HTR2C: variants seen among roughly 807,000 people sequenced by gnomAD.
HTR2C encodes 5-hydroxytryptamine (serotonin) receptor 2C, G protein-coupled.
A neutral mutation model predicts 21.0 loss-of-function variants in HTR2C; 5 were observed. That is an observed-to-expected ratio of 0.24 (90% CI 0.12 to 0.50). The LOEUF (loss-of-function observed/expected upper bound fraction) is 0.50. HTR2C is among the 20% of genes least tolerant of loss of function. HTR2C has a pLI of 0.98. For synonymous variants in HTR2C, 150 were observed against 145.3 expected (o/e 1.03, Z -0.23); for missense variants, 271 against 371.2 (o/e 0.73, Z 2.22).
intron 5 of HTR2C, among the ~76,000 whole-genome samples, chrX:114,892,268 G>A (rs781822940): frequency 9.0e-6 from 1 of 111,616 alleles, no homozygotes; most frequent in African/African-American, 3.2e-5. Context: ...TCTCTTAAAT[G>A]TTTGACCGAA....
intron 5 of HTR2C, among the ~76,000 whole-genome samples, chrX:114,893,499 G>T (rs1382042933): frequency 9.0e-6 from 1 of 110,945 alleles, no homozygotes. Flanking sequence ...GTACAAATTG[G>T]TATAAAAGAA....
At chrX:114,753,295 T>C (rs1220014048) in intron 4 of HTR2C, among the ~76,000 whole-genome samples, 2 of 111,395 alleles carry the variant, frequency 1.8e-5, no homozygotes, top group Admixed American at 9.6e-5. Flanking sequence ...AGACAATGCA[T>C]TCCCCCTAAG....
chrX:114,605,349 G>A (rs868961726), intron 1 of HTR2C, among the ~76,000 whole-genome samples: 26 of 109,286 alleles, frequency 2.4e-4, no homozygotes, highest in Admixed American at 3.9e-4. Flanking sequence ...TCGGCATGGC[G>A]AGGAGCAGCC....
chrX:114,653,797 C>T (rs896678595), intron 2 of HTR2C, among the ~76,000 whole-genome samples: 8 of 110,860 alleles, frequency 7.2e-5, no homozygotes, highest in Admixed American at 1.9e-4. Context: ...AATAGCCACC[C>T]GCTTTGGAAA....
intron 2 of HTR2C, among the ~76,000 whole-genome samples, chrX:114,689,195 A>G (rs1232349862): frequency 2.0e-5 from 1 of 50,339 alleles, no homozygotes; most frequent in Non-Finnish European, 3.4e-5. Context: ...GTAGTATTCC[A>G]TGGTATGTAT....
At chrX:114,884,971 A>T (rs888114963) in intron 5 of HTR2C, among the ~76,000 whole-genome samples, 1 of 110,201 alleles carries the variant, frequency 9.1e-6, no homozygotes, top group Admixed American at 9.8e-5. Flanking sequence ...TCCAGCCTGG[A>T]GAATGTGCGA....
At chrX:114,623,841 A>C (rs1349004396) in intron 2 of HTR2C, among the ~76,000 whole-genome samples, 1 of 109,889 alleles carries the variant, frequency 9.1e-6, no homozygotes, top group Non-Finnish European at 1.9e-5. Context: ...TATTATTTAT[A>C]ATGCAATTGA....
At chrX:114,649,542 T>C (rs1930475625) in intron 2 of HTR2C, among the ~76,000 whole-genome samples, 1 of 112,192 alleles carries the variant, frequency 8.9e-6, no homozygotes, top group Non-Finnish European at 1.9e-5. Flanking sequence ...GAAATTCTTG[T>C]GGTCACAGAG....
At chrX:114,633,607 G>A (rs1204968587) in intron 2 of HTR2C, among the ~76,000 whole-genome samples, 1 of 110,635 alleles carries the variant, frequency 9.0e-6, no homozygotes, top group African/African-American at 3.3e-5. Flanking sequence ...TTGTATCTAT[G>A]GACTATTCTG....
At chrX:114,634,175 C>A (rs1602651590) in intron 2 of HTR2C, among the ~76,000 whole-genome samples, 1 of 109,676 alleles carries the variant, frequency 9.1e-6, no homozygotes, top group East Asian at 2.9e-4. Flanking sequence ...CAAATGTGGG[C>A]CTTTTTATCT....
rs35975864 is a variant in HTR2C, at chrX:114,628,405, A to ATTTT, written c.-80+14546_-80+14549dup. On this transcript the variant is annotated intron_variant, in intron 2 of 5. Coordinates refer to ENST00000276198, the MANE Select transcript of HTR2C (RefSeq NM_000868.4). ...AGGCGTGCACCACCATGCCAGGCTA[A>ATTTT]TTTTTTTTTTTTTTTTTTTTTTTTT... Among the ~76,000 whole-genome samples, 162 of 43,854 alleles carry ATTTT rather than the reference A, an allele frequency of 3.7e-3. 1 individual carries two copies. The highest frequency in any genetic ancestry group is 4.5e-3 in the Admixed American group (10 of 2,199). The allele number at this position is 43,854 out of a possible 115,157, so 38.1% of individuals were successfully genotyped here.
intron 4 of HTR2C, among the ~76,000 whole-genome samples, chrX:114,791,125 G>A (rs1011965661): frequency 8.9e-6 from 1 of 112,500 alleles, no homozygotes; most frequent in East Asian, 2.8e-4. Flanking sequence ...AATTAATAGC[G>A]CCATGAGCGC....
At chrX:114,819,539 C>T (rs1005800651) in intron 4 of HTR2C, among the ~76,000 whole-genome samples, 3 of 111,996 alleles carry the variant, frequency 2.7e-5, no homozygotes, top group Non-Finnish European at 5.6e-5. Context: ...AACATATGAC[C>T]CATGTTTACT....
chrX:114,809,261 C>A (rs2070508152), intron 4 of HTR2C, among the ~76,000 whole-genome samples: 2 of 111,044 alleles, frequency 1.8e-5, no homozygotes, highest in Admixed American at 1.9e-4. Flanking sequence ...AGAGGAATCA[C>A]TTCCCATGGC....
At chrX:114,724,262 A>G (rs1229242291) in intron 2 of HTR2C, among the ~76,000 whole-genome samples, 40 of 95,012 alleles carry the variant, frequency 4.2e-4, no homozygotes, top group African/African-American at 1.3e-3. Flanking sequence ...TCCCTTTACC[A>G]TTAAGTAATG....
chrX:114,726,773 G>C, intron 2 of HTR2C, 85 bp from the exon 3 acceptor site: 2 of 402,663 alleles, frequency 5.0e-6, no homozygotes, highest in Non-Finnish European at 8.6e-6. Flanking sequence ...TCACCATTAA[G>C]TGCATTTAAG....
chrX:114,748,025 T>C (rs1362872775), intron 4 of HTR2C, among the ~76,000 whole-genome samples: 1 of 111,957 alleles, frequency 8.9e-6, no homozygotes, highest in Non-Finnish European at 1.9e-5. Context: ...TAATTTGCTA[T>C]GCATTCACAG....
At chrX:114,807,196 A>G (rs201745980) in intron 4 of HTR2C, among the ~76,000 whole-genome samples, 405 of 4,833 alleles carry the variant, frequency 0.084, 179 homozygotes, top group East Asian at 0.22. Flanking sequence ...TATACACCAT[A>G]TATATATACA....
chrX:114,742,493 G>C (rs1389721507), intron 4 of HTR2C, among the ~76,000 whole-genome samples: 1 of 110,527 alleles, frequency 9.0e-6, no homozygotes, highest in African/African-American at 3.3e-5. Flanking sequence ...AATTTAACTG[G>C]GTTTTCAATG....
Sources: gnomAD v4.1 joint callset for allele counts (sites outside exome capture counted in the v4.1 genomes callset) on GRCh38, gnomAD v4.1.1 for gene constraint, MANE v1.5 for transcripts, NCBI Gene and HGNC (gene_info 2026-07-23, HGNC 2026-07-21) for gene names.